Variants in CLYBL observed in about 807,000 individuals in gnomAD.
CLYBL encodes the protein citramalyl-CoA lyase.
CLYBL carries 31 observed loss-of-function variants against 38.9 expected under a neutral mutation model. The ratio of observed to expected loss-of-function variants is 0.80; its 90% CI spans 0.60 to 1.08. The LOEUF is 1.08. Among genes scored for constraint, CLYBL ranks in the 50% least tolerant of loss-of-function variants. CLYBL has a pLI of 0.00. For missense variants in CLYBL, 434 were observed against 411.6 expected, an observed-to-expected ratio of 1.05 and a Z score of -0.47; for synonymous variants, 171 against 158.6, an observed-to-expected ratio of 1.08 and a Z score of -0.59.
intron 2 of CLYBL, among the ~76,000 whole-genome samples, chr13:99,800,361 A>T (rs574913826): frequency 5.9e-5 from 9 of 152,288 alleles, no homozygotes; most frequent in African/African-American, 1.7e-4. Context: ...AGGAGGTGAG[A>T]TTGGCGCTGC....
Position 99,849,347 on chromosome 13 carries a change from A to G in CLYBL, c.250-9514A>G, listed in dbSNP as rs1028786300. Among the ~76,000 whole-genome samples the G allele has an allele frequency of 1.3e-5, 2 of 152,072 alleles. No homozygotes were observed. Among genetic ancestry groups the G allele is most frequent in the Non-Finnish European group, 2.9e-5 (2 of 68,014 alleles). On this transcript the variant is annotated intron_variant, in intron 2 of 8. Transcript: ENST00000339105. This position sits in a 1 kb window ranked among gnomAD's most constrained non-coding sequence, Gnocchi z 4.9. ...GGCAACATAGTGAGACACTGTATCT[A>G]CAAAAAATACAAATAATTATCTGGG...
At chr13:99,783,496 AC>A (rs2049706796) in intron 2 of CLYBL, among the ~76,000 whole-genome samples, 1 of 146,678 alleles carries the variant, frequency 6.8e-6, no homozygotes. Context: ...TTGCTCTGTC[AC>A]CCAGGCCGGA....
chr13:99,855,269 T>C (rs988981589), intron 2 of CLYBL, among the ~76,000 whole-genome samples: 7 of 152,166 alleles, frequency 4.6e-5, no homozygotes, highest in African/African-American at 1.7e-4. Flanking sequence ...AAACAACCTG[T>C]ATTACTCCTA....
chr13:99,771,002 A>G (rs577536075), intron 1 of CLYBL, among the ~76,000 whole-genome samples: 156 of 145,540 alleles, frequency 1.1e-3, no homozygotes, highest in African/African-American at 3.1e-3. Flanking sequence ...TTACAGGCGT[A>G]AGCCACCACG....
chr13:99,612,577 G>A (rs990944832), intron 1 of CLYBL, among the ~76,000 whole-genome samples: 8 of 151,646 alleles, frequency 5.3e-5, no homozygotes. Context: ...TTGGAGAGAC[G>A]GGGTTTCGCC....
intron 1 of CLYBL, among the ~76,000 whole-genome samples, chr13:99,702,324 T>TG (rs2048079047): frequency 1.3e-5 from 2 of 152,020 alleles, no homozygotes; most frequent in Non-Finnish European, 2.9e-5. Flanking sequence ...TTACTTATTT[T>TG]GGGGGTCTTA....
At chr13:99,860,701 C>T (rs1285987745) in intron 3 of CLYBL, among the ~76,000 whole-genome samples, 2 of 152,222 alleles carry the variant, frequency 1.3e-5, no homozygotes, top group African/African-American at 2.4e-5. Flanking sequence ...AAGTGAGACA[C>T]ATACAGAAAT....
At chr13:99,875,715 T>A (rs2052021159) in intron 7 of CLYBL, among the ~76,000 whole-genome samples, 1 of 152,214 alleles carries the variant, frequency 6.6e-6, no homozygotes, top group South Asian at 2.1e-4. Context: ...GACAACAGTG[T>A]ATCCTCCCAC....
At chr13:99,637,962 C>CTT (rs34513643) in intron 1 of CLYBL, among the ~76,000 whole-genome samples, 16 of 94,996 alleles carry the variant, frequency 1.7e-4, no homozygotes, top group African/African-American at 1.6e-4. Flanking sequence ...TCAACAGTGC[C>CTT]TTTTTTTTTT....
At chr13:99,608,939 G>A (rs1366455432) in intron 1 of CLYBL, among the ~76,000 whole-genome samples, 6 of 116,868 alleles carry the variant, frequency 5.1e-5, no homozygotes, top group African/African-American at 6.9e-5. Flanking sequence ...AGATCTGTTT[G>A]AGTTTATCCT....
chr13:99,784,582 G>C (rs553256109), intron 2 of CLYBL, among the ~76,000 whole-genome samples: 2 of 150,986 alleles, frequency 1.3e-5, no homozygotes, highest in South Asian at 4.2e-4. Flanking sequence ...AGCCTCCCGA[G>C]TAGCTAGGAT....
At chr13:99,764,898 C>G (rs1402173763) in intron 1 of CLYBL, among the ~76,000 whole-genome samples, 3 of 151,514 alleles carry the variant, frequency 2.0e-5, no homozygotes, top group African/African-American at 7.3e-5. Flanking sequence ...CTATGTTGTC[C>G]AGGCTTGCCA....
At chr13:99,735,922 C>A (rs1048176418) in intron 1 of CLYBL, among the ~76,000 whole-genome samples, 2 of 150,788 alleles carry the variant, frequency 1.3e-5, no homozygotes, top group Non-Finnish European at 2.9e-5. Flanking sequence ...TCAGTTAATA[C>A]AAAATATAGT....
At chr13:99,886,337 A>G (rs9300572) in intron 7 of CLYBL, among the ~76,000 whole-genome samples, 130,896 of 152,306 alleles carry the variant, frequency 0.86, 56,571 homozygotes, top group African/African-American at 0.93. Context: ...TTTCCCATAG[A>G]TGTGATTACT....
chr13:99,743,880 A>G (rs560496400), intron 1 of CLYBL, among the ~76,000 whole-genome samples: 14 of 151,588 alleles, frequency 9.2e-5, no homozygotes. Flanking sequence ...TTGCTCCTGC[A>G]GTCTAGCGGT....
chr13:99,861,020 T>G lies in CLYBL; in HGVS notation c.438+1971T>G, dbSNP rs573122369. On this transcript the variant is annotated intron_variant, in intron 3 of 8. Transcript: ENST00000339105. ...TGGGTGTGCACTGGAATTGAAAGAA[T>G]CGCTGAGCCCTGCTACTTCATCTCC... 2.0e-5 allele frequency among the ~76,000 whole-genome samples: 3 copies of G among 152,322 alleles called. No individual in the cohort carries two copies. The East Asian group carries it at 5.8e-4, about 29-fold the overall frequency.
intron 1 of CLYBL, among the ~76,000 whole-genome samples, chr13:99,651,940 A>G (rs1453634345): frequency 1.3e-5 from 2 of 151,102 alleles, no homozygotes; most frequent in Non-Finnish European, 2.9e-5. Context: ...TTGGGGGGAA[A>G]AAAAGATTCT....
At chr13:99,640,253 C>T (rs79042150) in intron 1 of CLYBL, among the ~76,000 whole-genome samples, 4,580 of 152,186 alleles carry the variant, frequency 0.03, 76 homozygotes, top group Non-Finnish European at 0.047. Flanking sequence ...TATATTTGCT[C>T]ATCATATTAT....
chr13:99,824,453 T>C (rs1382947830), intron 2 of CLYBL, among the ~76,000 whole-genome samples: 1 of 152,194 alleles, frequency 6.6e-6, no homozygotes, highest in African/African-American at 2.4e-5. Context: ...GCAGAGACTA[T>C]TTCTGGCAAA....
Sources: allele counts gnomAD v4.1 joint callset (sites outside exome capture counted in the v4.1 genomes callset), GRCh38; gene constraint gnomAD v4.1.1; non-coding constraint Gnocchi (gnomAD v3.1); transcripts MANE v1.5; gene names NCBI Gene and HGNC (gene_info 2026-07-23, HGNC 2026-07-21).